The following PCDHA3 variants were observed in gnomAD, a reference collection of about 807,000 sequenced individuals.
The protein encoded by PCDHA3 is protocadherin alpha 3.
A neutral mutation model predicts 62.2 loss-of-function variants in PCDHA3; 41 were observed. That is an observed-to-expected ratio of 0.66 (90% CI 0.51 to 0.86). The LOEUF (loss-of-function observed/expected upper bound fraction) is 0.86, where lower values mean the gene tolerates loss of function less well. Ranked by LOEUF, PCDHA3 falls within the 40% of genes least tolerant of loss-of-function variation. The pLI is 0.00. For missense variants in PCDHA3, 1,304 were observed against 1,241.2 expected (o/e 1.05, Z -0.76); for synonymous variants, 640 against 555.4 (o/e 1.15, Z -2.14).
chr5:140,836,309 A>T, intron 1 of PCDHA3: 1 of 1,613,652 alleles, frequency 6.2e-7, no homozygotes, highest in Non-Finnish European at 8.5e-7. Context: ...AGACGGACGC[A>T]CCGCGCCACC....
At chr5:141,004,303 T>C (rs2098161196) in intron 3 of PCDHA3, among the ~76,000 whole-genome samples, 2 of 152,178 alleles carry the variant, frequency 1.3e-5, no homozygotes, top group South Asian at 4.1e-4. Context: ...GATGTTTGTT[T>C]TATACAACAA....
intron 3 of PCDHA3, among the ~76,000 whole-genome samples, chr5:140,996,335 T>G (rs887353118): frequency 1.3e-5 from 2 of 152,202 alleles, no homozygotes; most frequent in African/African-American, 4.8e-5. Flanking sequence ...AAGAAAAGTT[T>G]GAAAACCCAA....
At chr5:140,968,508 A>T in intron 1 of PCDHA3, 1 of 1,614,068 alleles carries the variant, frequency 6.2e-7, no homozygotes. Flanking sequence ...CACATTCTGT[A>T]CCCTACCTCA....
intron 1 of PCDHA3, chr5:140,829,570 G>A (rs2150170338): frequency 1.2e-6 from 2 of 1,612,580 alleles, no homozygotes; most frequent in East Asian, 2.2e-5. Context: ...TGTCCTACTC[G>A]CTGGTGGAGC....
Position 140,886,603 on chromosome 5 carries a change from G to GGATCAGGA in PCDHA3, c.2394+83022_2394+83029dup, listed in dbSNP as rs567691866. On this transcript the variant is annotated intron_variant, in intron 1 of 3. Coordinates refer to ENST00000522353, the MANE Select transcript of PCDHA3 (RefSeq NM_018906.3). ...AGCACTTTGGGAGGCCAAGGTGGGC[G>GGATCAGGA]GATCAGGAGATCAGGAGTCCGAGAC... 2.7e-3 allele frequency among the ~76,000 whole-genome samples: 409 copies of GGATCAGGA among 152,092 alleles called. 3 individuals carry two copies. The highest frequency in any genetic ancestry group is 0.014 in the Middle Eastern group (4 of 294).
At chr5:140,927,906 C>G (rs116016831) in intron 1 of PCDHA3, 1 of 1,614,180 alleles carries the variant, frequency 6.2e-7, no homozygotes, top group Non-Finnish European at 8.5e-7. Flanking sequence ...ATCATGCCCC[C>G]GAACTGGACT....
chr5:140,881,279 G>A, intron 1 of PCDHA3: 2 of 760,202 alleles, frequency 2.6e-6, no homozygotes, highest in South Asian at 6.0e-5. Flanking sequence ...GAAGTAAGAT[G>A]GAGAGAGAAA....
rs1563186680 is a variant in PCDHA3 at position 140,941,223 on chromosome 5, C to CTTTCTT, written c.2395-37724_2395-37719dup. Among the ~76,000 whole-genome samples the CTTTCTT allele has an allele frequency of 6.9e-4, 92 of 132,548 alleles. 1 individual carries two copies. The highest frequency in any genetic ancestry group is 2.7e-3 in the African/African-American group (88 of 33,182). The allele number at this position is 132,548 out of a possible 152,430, so 87.0% of individuals were successfully genotyped here. A position where few individuals can be genotyped will look rare whatever the true frequency, so the allele number is the denominator to read the frequency against. ...TCTTCCTTTCTTTCTTCCTTTCTTT[C>CTTTCTT]TTTCTTTCTTTCTTTCTTTCTTTCT... On this transcript the variant is annotated intron_variant, in intron 1 of 3. Coordinates refer to ENST00000522353, the MANE Select transcript of PCDHA3 (RefSeq NM_018906.3).
intron 3 of PCDHA3, among the ~76,000 whole-genome samples, chr5:140,987,107 G>C (rs936936352): frequency 2.0e-5 from 3 of 151,876 alleles, no homozygotes; most frequent in Admixed American, 6.6e-5. Context: ...CCAGCTACTC[G>C]GGAGGCTGAG....
chr5:140,978,044 G>A (rs1205342779), intron 1 of PCDHA3, among the ~76,000 whole-genome samples: 1 of 152,140 alleles, frequency 6.6e-6, no homozygotes, highest in Non-Finnish European at 1.5e-5. Flanking sequence ...GACAGTGATG[G>A]TGACTGATGA....
In PCDHA3 at chr5:140,839,228, G is replaced by C. The variant is rs773394985; in HGVS notation, c.2394+35637G>C. ...ACCTTCAAAGATGTAACTGTAATCT[G>C]TTTTTATTGCTTTGCTTTTATGCTT... On this transcript the variant is annotated intron_variant, in intron 1 of 3. Coordinates refer to ENST00000522353, the MANE Select transcript of PCDHA3 (RefSeq NM_018906.3). Among the ~76,000 whole-genome samples the C allele has an allele frequency of 4.0e-5, 6 of 151,740 alleles. 1 individual carries two copies. Among genetic ancestry groups the C allele is most frequent in the Non-Finnish European group, 8.8e-5 (6 of 67,928 alleles).
intron 1 of PCDHA3, chr5:140,882,409 C>A: frequency 6.2e-7 from 1 of 1,614,158 alleles, no homozygotes; most frequent in Non-Finnish European, 8.5e-7. Flanking sequence ...TCGTGGGCCG[C>A]ATCGCTCAGG....
At chr5:140,882,376 C>G in intron 1 of PCDHA3, 1 of 1,614,190 alleles carries the variant, frequency 6.2e-7, no homozygotes, top group South Asian at 1.1e-5. Context: ...ACTCCGTCCC[C>G]GAGGAAGCAA....
intron 1 of PCDHA3, among the ~76,000 whole-genome samples, chr5:140,912,002 A>G (rs1452427916): frequency 6.6e-6 from 1 of 152,236 alleles, no homozygotes; most frequent in Admixed American, 6.5e-5. Context: ...ACAATAGGCC[A>G]TCTGCAAGCT....
In PCDHA3 at chr5:140,876,716, G is replaced by T. The variant is rs374218090; in HGVS notation, c.2394+73125G>T. The T allele has an allele frequency of 9.3e-6, 15 of 1,614,132 alleles. No individual in the cohort carries two copies. The African/African-American group carries it at 1.2e-4, about 13-fold the overall frequency. ...TTGGTGCTGGACAGCGCCCTGGACC[G>T]CGAGAGCGTGTCGGCCTATGAGCTG... On this transcript the variant is annotated intron_variant, in intron 1 of 3. Coordinates refer to ENST00000522353, the MANE Select transcript of PCDHA3 (RefSeq NM_018906.3).
intron 1 of PCDHA3, among the ~76,000 whole-genome samples, chr5:140,846,139 A>G (rs1196969415): frequency 6.7e-6 from 1 of 149,708 alleles, no homozygotes; most frequent in Non-Finnish European, 1.5e-5. Flanking sequence ...TGTTTCCCAT[A>G]TTTAAAAGTT....
At chr5:140,838,741 G>A (rs2150292053) in intron 1 of PCDHA3, among the ~76,000 whole-genome samples, 3 of 152,088 alleles carry the variant, frequency 2.0e-5, no homozygotes, top group African/African-American at 7.2e-5. Flanking sequence ...TTTGAGACCA[G>A]CTTGTGCATC....
At position 140,927,248 on chromosome 5, in the gene PCDHA3, A is replaced by T. The variant is rs572200211; in HGVS notation, c.2395-51701A>T. On this transcript the variant is annotated intron_variant, in intron 1 of 3. Transcript: ENST00000522353. The stretch of plus-strand genomic sequence containing the variant: ...CGGATTCACGTCCTGGACACCAATG[A>T]CAACTCACCTCTCTTTCCTGCCGGC... 3.5e-5 allele frequency: 56 copies of T among 1,614,064 alleles called. No homozygotes were observed. The South Asian group carries it at 5.7e-4, about 16-fold the overall frequency.
chr5:140,921,057 C>G (rs2079994477), intron 1 of PCDHA3, among the ~76,000 whole-genome samples: 1 of 151,924 alleles, frequency 6.6e-6, no homozygotes, highest in African/African-American at 2.4e-5. Flanking sequence ...ATAGCTCACT[C>G]TAACCTTGAA....
Sources: gnomAD v4.1 joint callset for allele counts (sites outside exome capture counted in the v4.1 genomes callset) on GRCh38, gnomAD v4.1.1 for gene constraint, MANE v1.5 for transcripts, NCBI Gene and HGNC (gene_info 2026-07-23, HGNC 2026-07-21) for gene names.